Variants in LEMD1 observed in about 807,000 individuals in gnomAD.
LEMD1 encodes the protein LEM domain-containing protein 1.
In LEMD1, 18 loss-of-function variants were observed where a neutral mutation model predicts 17.4. The ratio of observed to expected loss-of-function variants is 1.04; its 90% confidence interval spans 0.72 to 1.54. LEMD1 has a LOEUF of 1.54. LEMD1 is among the 40% of genes most tolerant of loss of function. LEMD1 has a pLI of 0.00. For missense variants in LEMD1, 195 were observed against 210.4 expected (o/e 0.93, Z 0.45); for synonymous variants, 88 against 77.8 (o/e 1.13, Z -0.69).
intron 1 of LEMD1, chr1:205,435,752 CCA>C (rs1666194719): frequency 6.6e-6 from 1 of 152,184 alleles, no homozygotes; most frequent in South Asian, 2.1e-4. Context: ...CAGCTCTTTT[CCA>C]GTCTCTCAGG....
chr1:205,422,886 T>C (rs991369267), upstream of LEMD1, among the ~76,000 whole-genome samples: 1 of 152,228 alleles, frequency 6.6e-6, no homozygotes, highest in Non-Finnish European at 1.5e-5. Context: ...TCAGGTAAGT[T>C]ACTAACTTCA....
rs796404287 is a variant in LEMD1, at chr1:205,417,315, TCCTAGC to T, written c.206-1025_206-1020del. 2.2e-4 allele frequency among the ~76,000 whole-genome samples: 33 copies of T among 152,274 alleles called. 1 individual carries two copies. The South Asian group carries it at 6.8e-3, about 32-fold the overall frequency. On this transcript the variant is annotated intron_variant, in intron 3 of 5. Transcript: ENST00000367153. ...CTTATAAACAGAAGGACCAATTTTC[TCCTAGC>T]CCTAGCATCAACGCACTTCTGTAGA... is the stretch of plus-strand genomic sequence containing the variant.
chr1:205,419,309 C>A lies in LEMD1; in HGVS notation c.126G>T (p.Leu42Phe). ...CAGGTGGTGCACAGGGAGGTGAGAC[C>A]AACAACTGTACTAACTTTTTTTCAT... ...KLYEKKLVQLLVSPPCAPPVM... is the reference protein window; with the variant it reads ...KLYEKKLVQLFVSPPCAPPVM... Residue 42 changes from leucine (L) to phenylalanine (F), a missense_variant, in exon 3 of 6, where the codon TTG (leucine) becomes TTT (phenylalanine). Coordinates refer to ENST00000367153, the MANE Select transcript of LEMD1 (RefSeq NM_001199050.2). 6.2e-7 allele frequency: 1 copy of A among 1,614,178 alleles called. No homozygotes were observed. The highest frequency in any genetic ancestry group is 8.5e-7 in the Non-Finnish European group (1 of 1,180,000).
chr1:205,403,436 G>A (rs1218321618), intron 4 of LEMD1, among the ~76,000 whole-genome samples: 4 of 152,146 alleles, frequency 2.6e-5, no homozygotes. Context: ...TTGGGAGAGT[G>A]TATGTGTCGA....
intron 4 of LEMD1, among the ~76,000 whole-genome samples, chr1:205,389,939 T>C (rs1395876324): frequency 6.6e-6 from 1 of 152,232 alleles, no homozygotes; most frequent in Non-Finnish European, 1.5e-5. Context: ...ATTTAAAACG[T>C]TGTGTTCTCT....
At chr1:205,428,874 G>T (rs1265374235) in intron 1 of LEMD1, among the ~76,000 whole-genome samples, 1 of 152,174 alleles carries the variant, frequency 6.6e-6, no homozygotes, top group Non-Finnish European at 1.5e-5. Context: ...AGAGTGGAGA[G>T]TGGAGAGTGT....
intron 4 of LEMD1, among the ~76,000 whole-genome samples, chr1:205,400,849 C>CCG (rs1553393673): frequency 2.7e-5 from 3 of 111,408 alleles, no homozygotes; most frequent in South Asian, 9.2e-4. Flanking sequence ...TCCCTCCCCC[C>CCG]CCCCACCCCA....
intron 4 of LEMD1, among the ~76,000 whole-genome samples, chr1:205,403,265 C>A (rs1664937783): frequency 1.3e-5 from 2 of 152,060 alleles, no homozygotes; most frequent in South Asian, 4.1e-4. Flanking sequence ...GGAATAGTTT[C>A]AGAAGGAATG....
At chr1:205,438,185 C>T (rs1024237571) in intron 1 of LEMD1, among the ~76,000 whole-genome samples, 1 of 152,170 alleles carries the variant, frequency 6.6e-6, no homozygotes, top group East Asian at 1.9e-4. Context: ...GGGAAGTCCT[C>T]GCTTTACAGA....
Position 205,384,288 on chromosome 1 carries a change from C to A in LEMD1, c.347G>T (p.Arg116Met). The change falls in exon 5 of 6, where the codon AGG becomes ATG. Residue 116 changes from arginine to methionine, a missense_variant and splice_region_variant. Transcript: ENST00000367153. ...CLDYKPSKGRRWAARAPSTRI... is the reference protein window; with the variant it reads ...CLDYKPSKGRMWAARAPSTRI... ...CACATATGCTAAAAAACATCATTAC[C>A]TTCTTCCCTTGGAAGGCTTATAATC... 6.7e-7 allele frequency: 1 copy of A among 1,491,076 alleles called. No individual in the cohort carries two copies. The highest frequency in any genetic ancestry group is 8.9e-7 in the Non-Finnish European group (1 of 1,118,046). The allele number at this position is 1,491,076 out of a possible 1,614,324, so 92.4% of individuals were successfully genotyped here.
chr1:205,408,184 T>A (rs1215438799), intron 4 of LEMD1, among the ~76,000 whole-genome samples: 1 of 152,168 alleles, frequency 6.6e-6, no homozygotes, highest in Non-Finnish European at 1.5e-5. Flanking sequence ...AAGCAATGAA[T>A]CAGCGTGGAT....
Position 205,420,477 on chromosome 1 carries a change from T to G in LEMD1, c.60A>C (p.Gly20=), listed in dbSNP as rs140266284. The G allele has an allele frequency of 6.2e-7, 1 of 1,613,910 alleles. No homozygotes were observed. The highest frequency in any genetic ancestry group is 1.6e-4 in the Middle Eastern group (1 of 6,062). The change falls in exon 2 of 6, where the codon GGA becomes GGC. Residue 20 remains glycine (G), a synonymous_variant. Coordinates refer to ENST00000367153, the MANE Select transcript of LEMD1 (RefSeq NM_001199050.2). The stretch of plus-strand genomic sequence containing the variant: ...TACGTAGTATTGGGCCAGGTGAAAA[T>G]CCAAGCTTCTCAAGTTGGTTCTGCA... The part of the protein sequence containing the change: ...CKLQNQLEKL[G]FSPGPILPST...
intron 4 of LEMD1, among the ~76,000 whole-genome samples, chr1:205,408,502 CTT>C (rs573634699): frequency 0.23 from 31,068 of 136,548 alleles, 3,374 homozygotes; most frequent in African/African-American, 0.31. Context: ...TTCTTTCTTT[CTT>C]TTTTTTTTTT....
chr1:205,404,914 C>T (rs1665019468), intron 4 of LEMD1, among the ~76,000 whole-genome samples: 1 of 152,104 alleles, frequency 6.6e-6, no homozygotes, highest in Non-Finnish European at 1.5e-5. Context: ...CAAAATCTCT[C>T]AGCATTTGCT....
chr1:205,429,692 C>T (rs1370044111), intron 1 of LEMD1, among the ~76,000 whole-genome samples: 1 of 151,898 alleles, frequency 6.6e-6, no homozygotes, highest in East Asian at 1.9e-4. Context: ...GAAATGACTC[C>T]TCTACTCTCC....
intron 4 of LEMD1, among the ~76,000 whole-genome samples, chr1:205,394,711 A>T (rs1664506596): frequency 6.6e-6 from 1 of 151,200 alleles, no homozygotes; most frequent in Admixed American, 6.6e-5. Flanking sequence ...TTATTTTGAG[A>T]CCCAGTCTCG....
intron 1 of LEMD1, among the ~76,000 whole-genome samples, chr1:205,444,812 C>T (rs1666355730): frequency 6.6e-6 from 1 of 151,924 alleles, no homozygotes; most frequent in South Asian, 2.1e-4. Context: ...ATATTGCGCC[C>T]CCCACGACCC....
chr1:205,393,221 A>C (rs1419808385), intron 4 of LEMD1, among the ~76,000 whole-genome samples: 1 of 152,202 alleles, frequency 6.6e-6, no homozygotes, highest in Non-Finnish European at 1.5e-5. Context: ...TTCAAAGAAG[A>C]TATAGAAGTG....
chr1:205,382,550 A>C (rs1663766340), intron 5 of LEMD1, among the ~76,000 whole-genome samples: 1 of 152,166 alleles, frequency 6.6e-6, no homozygotes, highest in Non-Finnish European at 1.5e-5. Context: ...GGCGTGAGCC[A>C]CTGTGCCCAG....
Sources: gnomAD v4.1 joint callset for allele counts (sites outside exome capture counted in the v4.1 genomes callset) on GRCh38, gnomAD v4.1.1 for gene constraint, MANE v1.5 for transcripts, NCBI Gene and HGNC (gene_info 2026-07-23, HGNC 2026-07-21) for gene names.